TG: variants seen among roughly 807,000 people sequenced by gnomAD.
The protein encoded by TG is thyroid hormones.
TG carries 270 observed loss-of-function variants against 324.7 expected under a neutral mutation model. The observed-to-expected ratio is 0.83, with a 90% CI of 0.75 to 0.92. The LOEUF (loss-of-function observed/expected upper bound fraction) is 0.92, where lower values mean the gene tolerates loss of function less well. Among genes scored for constraint, TG ranks in the 40% least tolerant of loss-of-function variants. The pLI, the probability that TG is intolerant of heterozygous loss-of-function variation, is 0.00. For missense variants in TG, 3,591 were observed against 3,456.4 expected, an observed-to-expected ratio of 1.04 and a Z score of -0.98; for synonymous variants, 1,401 against 1,327.0, an observed-to-expected ratio of 1.06 and a Z score of -1.21.
chr8:133,017,736 C>A, intron 37 of TG, 42 bp from the exon 38 acceptor site: 1 of 1,544,584 alleles, frequency 6.5e-7, no homozygotes, highest in Non-Finnish European at 9.0e-7. Flanking sequence ...CTCACTGAGG[C>A]CTCTCCCCTT....
rs1422521971 is a variant in TG at position 133,134,839 on chromosome 8, A to G, written c.*45A>G. ...AAAACCTCACCCGAGGCTGCCCACT[A>G]TGGTCATCTTTTTCTCTAAAATAGC... On this transcript the variant is annotated 3_prime_UTR_variant, in exon 48 of 48. Transcript: ENST00000220616. The G allele has an allele frequency of 6.7e-7, 1 of 1,496,884 alleles. No homozygotes were observed. 92.7% of individuals were successfully genotyped at this position (1,496,884 alleles called of 1,614,324 possible).
intron 41 of TG, among the ~76,000 whole-genome samples, chr8:133,081,605 C>T (rs1845759465): frequency 6.6e-6 from 1 of 152,164 alleles, no homozygotes; most frequent in Non-Finnish European, 1.5e-5. Context: ...AAAGTAGCCG[C>T]TTTATGTCCA....
chr8:132,940,354 T>C (rs1272440102), intron 25 of TG, among the ~76,000 whole-genome samples: 1 of 152,208 alleles, frequency 6.6e-6, no homozygotes, highest in East Asian at 1.9e-4. Context: ...ATTTAGGCTA[T>C]AGTGCTCTAT....
At chr8:133,066,864 C>T (rs1473032065) in intron 41 of TG, among the ~76,000 whole-genome samples, 5 of 152,170 alleles carry the variant, frequency 3.3e-5, no homozygotes, top group South Asian at 2.1e-4. Flanking sequence ...AGCTAGATCC[C>T]GTGCAGGGGC....
intron 41 of TG, among the ~76,000 whole-genome samples, chr8:133,055,361 GCGCGCA>G (rs1167309690): frequency 0.025 from 3,266 of 131,692 alleles, 49 homozygotes; most frequent in Middle Eastern, 0.06. Flanking sequence ...ACACACGCAC[GCGCGCA>G]CACACACACA....
intron 41 of TG, among the ~76,000 whole-genome samples, chr8:133,046,066 G>C (rs1022736436): frequency 2.2e-4 from 34 of 152,186 alleles, no homozygotes; most frequent in African/African-American, 8.0e-4. Context: ...GCAATGACCT[G>C]ATATGGGTTG....
intron 35 of TG, among the ~76,000 whole-genome samples, chr8:132,985,746 G>A (rs1022588063): frequency 1.3e-5 from 2 of 152,100 alleles, no homozygotes; most frequent in Admixed American, 6.6e-5. Context: ...GATCGTGTGG[G>A]TGCTTCCTTC....
At chr8:133,048,054 A>G in intron 41 of TG, 1 of 610,388 alleles carries the variant, frequency 1.6e-6, no homozygotes, top group Non-Finnish European at 2.9e-6. Context: ...CCACTGAGAC[A>G]GGAAGCATCA....
chr8:132,953,113 G>T (rs1031464977), intron 27 of TG, among the ~76,000 whole-genome samples: 2 of 152,226 alleles, frequency 1.3e-5, no homozygotes, highest in Non-Finnish European at 2.9e-5. Context: ...CTGCTAATGG[G>T]ATATTCTACT....
intron 27 of TG, among the ~76,000 whole-genome samples, chr8:132,953,901 G>C (rs1157439054): frequency 3.3e-5 from 5 of 152,190 alleles, no homozygotes; most frequent in Non-Finnish European, 5.9e-5. Flanking sequence ...CTCTGGGGCT[G>C]CATATGGCTA....
chr8:132,970,563 T>C (rs972644364), intron 32 of TG, among the ~76,000 whole-genome samples: 18 of 152,194 alleles, frequency 1.2e-4, no homozygotes, highest in South Asian at 1.0e-3. Flanking sequence ...GAGTTATGAC[T>C]GAATCATGTT....
chr8:132,906,961 C>G (rs188116816), intron 17 of TG, 61 bp downstream of exon 17: 1 of 1,526,392 alleles, frequency 6.6e-7, no homozygotes, highest in East Asian at 2.4e-5. Flanking sequence ...GGGCTGGGAC[C>G]GAGATATGGA....
At chr8:133,108,158 T>C (rs530340617) in intron 43 of TG, among the ~76,000 whole-genome samples, 2 of 151,556 alleles carry the variant, frequency 1.3e-5, no homozygotes, top group South Asian at 2.1e-4. Flanking sequence ...TTTTTTTTTT[T>C]CGTATTTTTA....
chr8:132,907,039 TG>T (rs1818794355), intron 17 of TG, 139 bp downstream of exon 17: 2 of 899,932 alleles, frequency 2.2e-6, no homozygotes, highest in Admixed American at 4.0e-5. Context: ...CACCAAGAGA[TG>T]GGAGAGAGTC....
intron 25 of TG, among the ~76,000 whole-genome samples, chr8:132,938,893 A>G (rs1823999512): frequency 6.6e-6 from 1 of 152,090 alleles, no homozygotes; most frequent in Admixed American, 6.5e-5. Context: ...TCTACTAAAA[A>G]TACAAAAAAT....
chr8:133,058,002 C>T (rs913975690), intron 41 of TG, among the ~76,000 whole-genome samples: 1 of 152,110 alleles, frequency 6.6e-6, no homozygotes, highest in South Asian at 2.1e-4. Context: ...GCACATTGGC[C>T]TAAAGCAACC....
chr8:133,050,768 A>G (rs1172324632), intron 41 of TG: 8 of 1,227,364 alleles, frequency 6.5e-6, no homozygotes, highest in Non-Finnish European at 8.5e-6. Flanking sequence ...TCCCAAACCA[A>G]GTTTATCCTG....
intron 27 of TG, among the ~76,000 whole-genome samples, chr8:132,959,300 A>G (rs1405391877): frequency 1.3e-5 from 2 of 152,208 alleles, no homozygotes; most frequent in East Asian, 1.9e-4. Flanking sequence ...AAGTACAGCC[A>G]TGCACCTCAA....
chr8:132,952,288 C>T (rs16904792), intron 27 of TG, among the ~76,000 whole-genome samples: 46,085 of 152,020 alleles, frequency 0.3, 9,295 homozygotes, highest in African/African-American at 0.57. Flanking sequence ...ACTGGAGATA[C>T]GGCACAAGGG....
Sources: gnomAD v4.1 joint callset for allele counts (sites outside exome capture counted in the v4.1 genomes callset) on GRCh38, gnomAD v4.1.1 for gene constraint, MANE v1.5 for transcripts, NCBI Gene and HGNC (gene_info 2026-07-23, HGNC 2026-07-21) for gene names.